The following MSRB3 variants were observed in gnomAD, a reference collection of about 807,000 sequenced individuals.
MSRB3 encodes the protein methionine-R-sulfoxide reductase B3.
A neutral mutation model predicts 21.0 loss-of-function variants in MSRB3; 13 were observed. The ratio of observed to expected loss-of-function variants is 0.62; its 90% CI spans 0.40 to 0.98. The LOEUF is 0.98. Ranked by LOEUF, MSRB3 falls within the 50% of genes least tolerant of loss-of-function variation. The pLI, the probability that MSRB3 is intolerant of heterozygous loss-of-function variation, is 0.00. For missense variants in MSRB3, 199 were observed against 230.3 expected, an observed-to-expected ratio of 0.86 and a Z score of 0.88; for synonymous variants, 87 against 88.6, an observed-to-expected ratio of 0.98 and a Z score of 0.10.
intron 6 of MSRB3, among the ~76,000 whole-genome samples, chr12:65,455,798 A>G (rs1304448557): frequency 1.3e-5 from 2 of 152,118 alleles, no homozygotes; most frequent in African/African-American, 4.8e-5. Context: ...GTGTGGTGGC[A>G]TGATCTTGGC....
At chr12:65,440,287 G>A (rs184729030) in intron 5 of MSRB3, among the ~76,000 whole-genome samples, 186 of 151,026 alleles carry the variant, frequency 1.2e-3, no homozygotes, top group Non-Finnish European at 2.0e-3. Context: ...CCCAGAAACC[G>A]CAAAAAAAAG....
At chr12:65,401,240 A>G (rs981097873) in intron 5 of MSRB3, among the ~76,000 whole-genome samples, 10 of 152,206 alleles carry the variant, frequency 6.6e-5, no homozygotes, top group Admixed American at 5.9e-4. Context: ...ATTGTATGGG[A>G]GTCTAAATCT....
At chr12:65,345,647 T>C (rs761306830) in intron 4 of MSRB3, among the ~76,000 whole-genome samples, 1 of 152,144 alleles carries the variant, frequency 6.6e-6, no homozygotes, top group African/African-American at 2.4e-5. Flanking sequence ...TTGTTACATA[T>C]GTATACATGT....
chr12:65,407,358 C>T (rs1880471440), intron 5 of MSRB3, among the ~76,000 whole-genome samples: 1 of 148,246 alleles, frequency 6.7e-6, no homozygotes, highest in South Asian at 2.1e-4. Flanking sequence ...TTTCTTTTAA[C>T]ACTTTAAATA....
intron 5 of MSRB3, among the ~76,000 whole-genome samples, chr12:65,397,942 C>A (rs2136594843): frequency 6.6e-6 from 1 of 152,280 alleles, no homozygotes; most frequent in South Asian, 2.1e-4. Flanking sequence ...ATAAACTCAT[C>A]CTTTTTTATG....
At chr12:65,370,086 G>C (rs1025252932) in intron 5 of MSRB3, among the ~76,000 whole-genome samples, 2 of 151,946 alleles carry the variant, frequency 1.3e-5, no homozygotes, top group African/African-American at 4.8e-5. Context: ...ACCTAGTTTG[G>C]TAACTCCAGA....
chr12:65,295,282 C>T (rs956048797), intron 1 of MSRB3, among the ~76,000 whole-genome samples: 1 of 152,154 alleles, frequency 6.6e-6, no homozygotes, highest in Non-Finnish European at 1.5e-5. Flanking sequence ...ACAGGAGAAA[C>T]TTAGGATTCT....
intron 4 of MSRB3, among the ~76,000 whole-genome samples, chr12:65,365,371 G>A (rs1244499155): frequency 6.6e-6 from 1 of 152,110 alleles, no homozygotes; most frequent in East Asian, 1.9e-4. Context: ...AGGCAATGGG[G>A]GCAGGCGGGA....
rs111473033 is a variant in MSRB3, at chr12:65,320,127, C to A, written c.77-6699C>A. On this transcript the variant is annotated intron_variant, in intron 2 of 6. Transcript: ENST00000308259. ...TATAGAATATAATTGAAACTGATCT[C>A]GTGGAATTGTCTTATGTGAAGTAAA... 3.0e-3 allele frequency among the ~76,000 whole-genome samples: 453 copies of A among 151,948 alleles called. 1 individual carries two copies. Among genetic ancestry groups the A allele is most frequent in the African/African-American group, 9.9e-3 (411 of 41,418 alleles).
intron 4 of MSRB3, among the ~76,000 whole-genome samples, chr12:65,346,112 G>A (rs954182299): frequency 3.9e-5 from 6 of 152,118 alleles, no homozygotes; most frequent in Non-Finnish European, 7.4e-5. Context: ...TAATGGGATG[G>A]CTGGGTCAAA....
intron 4 of MSRB3, among the ~76,000 whole-genome samples, chr12:65,362,105 A>G (rs1048808461): frequency 3.9e-5 from 6 of 152,170 alleles, no homozygotes; most frequent in Non-Finnish European, 7.3e-5. Context: ...AGACCCTACT[A>G]TCTAATTCAG....
chr12:65,287,844 G>A (rs780482265), intron 1 of MSRB3, among the ~76,000 whole-genome samples: 2 of 152,194 alleles, frequency 1.3e-5, no homozygotes, highest in African/African-American at 2.4e-5. Flanking sequence ...GTATGTGTTT[G>A]TGTTGCAGGG....
chr12:65,319,806 C>T (rs771418021), intron 2 of MSRB3, among the ~76,000 whole-genome samples: 11 of 152,192 alleles, frequency 7.2e-5, no homozygotes, highest in African/African-American at 1.2e-4. Flanking sequence ...TTGCATAATA[C>T]TGTATTTGCC....
intron 1 of MSRB3, among the ~76,000 whole-genome samples, chr12:65,295,654 C>T (rs930954514): frequency 2.0e-5 from 3 of 151,988 alleles, no homozygotes; most frequent in African/African-American, 7.3e-5. Flanking sequence ...TTAAATCTCC[C>T]TTGCAAAACA....
Position 65,378,137 on chromosome 12 carries a change from G to A in MSRB3, c.292+9111G>A, listed in dbSNP as rs544422784. 1.9e-4 allele frequency among the ~76,000 whole-genome samples: 29 copies of A among 152,134 alleles called. No homozygotes were observed. The South Asian group carries it at 6.0e-3, about 32-fold the overall frequency. On this transcript the variant is annotated intron_variant, in intron 5 of 6. Coordinates refer to ENST00000308259, the MANE Select transcript of MSRB3 (RefSeq NM_001031679.3). ...TAGCCCAGTGCTTAGACTAGTCCTT[G>A]GCAAAAAGTTATTTGCCTGTAATTA...
At chr12:65,448,700 T>C (rs1882726770) in intron 5 of MSRB3, among the ~76,000 whole-genome samples, 1 of 152,194 alleles carries the variant, frequency 6.6e-6, no homozygotes, top group African/African-American at 2.4e-5. Context: ...TAATTTTAAT[T>C]AATTCAAATT....
chr12:65,375,807 T>A (rs1878579307), intron 5 of MSRB3, among the ~76,000 whole-genome samples: 1 of 152,122 alleles, frequency 6.6e-6, no homozygotes, highest in Non-Finnish European at 1.5e-5. Context: ...GAAGCTTTTT[T>A]TTTTTAAATT....
chr12:65,352,228 A>T (rs1228482259), intron 4 of MSRB3, among the ~76,000 whole-genome samples: 1 of 152,188 alleles, frequency 6.6e-6, no homozygotes, highest in East Asian at 1.9e-4. Context: ...AATTATCTCA[A>T]TAGATGCAGA....
At chr12:65,394,383 G>C (rs1195776961) in intron 5 of MSRB3, among the ~76,000 whole-genome samples, 1 of 152,040 alleles carries the variant, frequency 6.6e-6, no homozygotes, top group African/African-American at 2.4e-5. Flanking sequence ...AGAAACTACT[G>C]AAATTGACTT....
Sources: allele counts gnomAD v4.1 joint callset (sites outside exome capture counted in the v4.1 genomes callset), GRCh38; gene constraint gnomAD v4.1.1; transcripts MANE v1.5; gene names NCBI Gene and HGNC (gene_info 2026-07-23, HGNC 2026-07-21).